The following DLG5 variants were observed in gnomAD, a reference collection of about 807,000 sequenced individuals.
DLG5 encodes disks large homolog 5.
DLG5 carries 48 observed loss-of-function variants against 189.8 expected under a neutral mutation model. The observed-to-expected ratio is 0.25, with a 90% CI of 0.20 to 0.32. DLG5 has a LOEUF of 0.32. Among genes scored for constraint, DLG5 ranks in the 10% least tolerant of loss-of-function variants. The pLI is 1.00. For synonymous variants in DLG5, 1,016 were observed against 1,054.1 expected (o/e 0.96, Z 0.70); for missense variants, 2,160 against 2,544.7 (o/e 0.85, Z 3.25).
At chr10:77,874,522 C>G (rs900129163) in intron 1 of DLG5, among the ~76,000 whole-genome samples, 4 of 152,216 alleles carry the variant, frequency 2.6e-5, no homozygotes, top group African/African-American at 9.7e-5. Context: ...AATGCAGGCG[C>G]AGGATACAGT....
intron 5 of DLG5, 53 bp downstream of exon 5, chr10:77,853,301 A>C: frequency 7.1e-7 from 1 of 1,399,822 alleles, no homozygotes; most frequent in East Asian, 2.6e-5. Flanking sequence ...TCTCCATTAA[A>C]AGGAATGAGG....
intron 3 of DLG5, 123 bp downstream of exon 3, chr10:77,856,607 G>A (rs2154576754): frequency 1.6e-6 from 2 of 1,275,678 alleles, no homozygotes; most frequent in African/African-American, 1.5e-5. Flanking sequence ...TGGGGGAAAG[G>A]GGACACTCAG....
intron 1 of DLG5, among the ~76,000 whole-genome samples, chr10:77,886,091 C>G (rs1745709409): frequency 6.6e-6 from 1 of 152,206 alleles, no homozygotes; most frequent in Non-Finnish European, 1.5e-5. Flanking sequence ...TCATCAGAAT[C>G]ATCCAAGCTG....
In DLG5 at chr10:77,861,711, G is replaced by A. The variant is rs146211052; in HGVS notation, c.374-4819C>T. Among the ~76,000 whole-genome samples the A allele has an allele frequency of 2.7e-3, 418 of 152,286 alleles. 2 individuals carry two copies. The highest frequency in any genetic ancestry group is 0.017 in the Middle Eastern group (5 of 294). On this transcript the variant is annotated intron_variant, in intron 2 of 31. Coordinates refer to ENST00000372391, the MANE Select transcript of DLG5 (RefSeq NM_004747.4). ...GCTAGGATTGCTCCTTGAGAAACAC[G>A]TCAGAAAGACTACATGGCTAGGAAA...
chr10:77,909,329 G>A (rs955509287), intron 1 of DLG5, among the ~76,000 whole-genome samples: 6 of 152,116 alleles, frequency 3.9e-5, no homozygotes, highest in African/African-American at 1.4e-4. Flanking sequence ...ACACAAGGAG[G>A]GGAACATCAC....
At chr10:77,809,850 A>T (rs1841673362) in intron 23 of DLG5, 120 bp from the exon 24 acceptor site, 3 of 1,192,364 alleles carry the variant, frequency 2.5e-6, no homozygotes, top group Non-Finnish European at 3.5e-6. Context: ...AACCACAGGG[A>T]GCTGAGAGGT....
At chr10:77,867,840 T>G in intron 2 of DLG5, 1 of 434,308 alleles carries the variant, frequency 2.3e-6, no homozygotes, top group Admixed American at 2.4e-5. Flanking sequence ...TGAAATAGTC[T>G]TTACAGATGA....
At chr10:77,913,511 C>T (rs1321309790) in intron 1 of DLG5, among the ~76,000 whole-genome samples, 3 of 152,134 alleles carry the variant, frequency 2.0e-5, no homozygotes, top group Non-Finnish European at 2.9e-5. Flanking sequence ...AAATGACATG[C>T]TGCCTGGGAT....
rs1232993521 is a variant in DLG5 at position 77,796,767 on chromosome 10, T to C, written c.5165-173A>G. Reference sequence around the variant, plus strand: ...CAACCGGGCATCGTCACCCCTGGAGTCCAGCATGAGCACCCCCCATGCCCT... The same window carrying C: ...CAACCGGGCATCGTCACCCCTGGAGCCCAGCATGAGCACCCCCCATGCCCT... On this transcript the variant is annotated intron_variant, in intron 27 of 31. Transcript: ENST00000372391. The surrounding 1 kb of genome is among the most constrained non-coding windows in gnomAD (Gnocchi z 5.2). Among the ~76,000 whole-genome samples, 1 of 151,866 alleles carries C rather than the reference T, an allele frequency of 6.6e-6. No homozygotes were observed. Among genetic ancestry groups the C allele is most frequent in the East Asian group, 1.9e-4 (1 of 5,160 alleles).
At chr10:77,807,166 C>G (rs1841520168) in intron 25 of DLG5, among the ~76,000 whole-genome samples, 1 of 152,164 alleles carries the variant, frequency 6.6e-6, no homozygotes, top group South Asian at 2.1e-4. Context: ...AAGAACTCAC[C>G]AAGATCTGAG....
rs1256281188 is a variant in DLG5, at chr10:77,791,088, G to T, written c.*1352C>A. ...ACTTGTCTCTTTTTTGAACAACTGTGCAAGAAAATATATCCCTTTTTAAAA... is the reference window on the plus strand; with the variant it reads ...ACTTGTCTCTTTTTTGAACAACTGTTCAAGAAAATATATCCCTTTTTAAAA... On this transcript the variant is annotated 3_prime_UTR_variant, in exon 32 of 32. Transcript: ENST00000372391. 1 of 152,578 alleles carries T rather than the reference G, an allele frequency of 6.6e-6. No individual in the cohort carries two copies. The highest frequency in any genetic ancestry group is 2.4e-5 in the African/African-American group (1 of 41,440). 9.5% of individuals were successfully genotyped at this position (152,578 alleles called of 1,614,324 possible).
chr10:77,810,515 C>T (rs1841710317), intron 23 of DLG5, among the ~76,000 whole-genome samples: 1 of 152,244 alleles, frequency 6.6e-6, no homozygotes, highest in Non-Finnish European at 1.5e-5. Flanking sequence ...AGGCTGGACG[C>T]TGTGCAGCTC....
intron 1 of DLG5, among the ~76,000 whole-genome samples, chr10:77,920,657 C>T (rs961481714): frequency 1.3e-5 from 2 of 152,152 alleles, no homozygotes; most frequent in African/African-American, 4.8e-5. Context: ...CATGTGGACA[C>T]ATAACACTGG....
intron 20 of DLG5, among the ~76,000 whole-genome samples, chr10:77,814,718 G>A (rs1841968073): frequency 1.3e-5 from 2 of 151,612 alleles, no homozygotes; most frequent in African/African-American, 4.8e-5. Context: ...GGGACTACAG[G>A]TGCCTGCCAC....
intron 8 of DLG5, among the ~76,000 whole-genome samples, chr10:77,834,657 C>A (rs1316616802): frequency 6.6e-6 from 1 of 152,110 alleles, no homozygotes; most frequent in Non-Finnish European, 1.5e-5. Flanking sequence ...GGGGCCTGGG[C>A]TCTGTGCCAC....
chr10:77,899,106 C>A (rs956149496), intron 1 of DLG5, among the ~76,000 whole-genome samples: 1 of 152,196 alleles, frequency 6.6e-6, no homozygotes, highest in Admixed American at 6.5e-5. Flanking sequence ...GTCCCATCCG[C>A]CTTGAAGTTG....
intron 18 of DLG5, 81 bp downstream of exon 18, chr10:77,817,696 C>T: frequency 1.6e-6 from 2 of 1,287,150 alleles, no homozygotes; most frequent in South Asian, 1.4e-5. Flanking sequence ...GGAGCCCACC[C>T]GCAGATCTGG....
At chr10:77,807,064 G>A (rs946175292) in intron 25 of DLG5, 136 bp from the exon 26 acceptor site, 16 of 967,194 alleles carry the variant, frequency 1.7e-5, no homozygotes, top group South Asian at 1.4e-4. Flanking sequence ...AATCGCCGAG[G>A]GTGGTGATTC....
chr10:77,831,734 C>T (rs1254012839), intron 9 of DLG5, among the ~76,000 whole-genome samples: 1 of 152,172 alleles, frequency 6.6e-6, no homozygotes, highest in East Asian at 1.9e-4. Context: ...ACATCCATGG[C>T]CAAAGAAATG....
Sources: gnomAD v4.1 joint callset for allele counts (sites outside exome capture counted in the v4.1 genomes callset) on GRCh38, gnomAD v4.1.1 for gene constraint, Gnocchi (gnomAD v3.1) non-coding constraint, MANE v1.5 for transcripts, NCBI Gene and HGNC (gene_info 2026-07-23, HGNC 2026-07-21) for gene names.